MYO9A: variants seen among roughly 807,000 people sequenced by gnomAD.
MYO9A encodes unconventional myosin-IXa.
Under a neutral mutation model 293.3 loss-of-function variants are expected in MYO9A, and 103 were observed. The ratio of observed to expected loss-of-function variants is 0.35; its 90% CI spans 0.30 to 0.41. MYO9A has a LOEUF of 0.41. Ranked by LOEUF, MYO9A falls within the 10% of genes least tolerant of loss-of-function variation. The pLI is 1.00. For synonymous variants in MYO9A, 1,001 were observed against 1,035.7 expected (o/e 0.97, Z 0.64); for missense variants, 2,685 against 3,033.0 (o/e 0.89, Z 2.69).
At chr15:72,081,499 A>ATTGT (rs1596530272) in intron 1 of MYO9A, among the ~76,000 whole-genome samples, 1 of 152,000 alleles carries the variant, frequency 6.6e-6, no homozygotes, top group South Asian at 2.1e-4. Flanking sequence ...CATTCTGTAG[A>ATTGT]CTGTTTACTC....
intron 12 of MYO9A, among the ~76,000 whole-genome samples, chr15:71,976,627 TACAA>T (rs1326323407): frequency 6.6e-6 from 1 of 152,210 alleles, no homozygotes; most frequent in Non-Finnish European, 1.5e-5. Context: ...AGGTAGGGTA[TACAA>T]ACAGTGAATT....
intron 10 of MYO9A, 145 bp from the exon 11 acceptor site, chr15:71,991,382 G>A (rs1204819245): frequency 7.8e-6 from 4 of 514,534 alleles, no homozygotes; most frequent in Non-Finnish European, 1.3e-5. Context: ...AACATATCAT[G>A]ACTTAAAAGT....
chr15:71,874,503 A>G (rs940243803), intron 32 of MYO9A, among the ~76,000 whole-genome samples: 1 of 152,230 alleles, frequency 6.6e-6, no homozygotes, highest in Admixed American at 6.5e-5. Context: ...TAGGCATGGT[A>G]AGAACTTTGG....
intron 18 of MYO9A, 90 bp downstream of exon 18, chr15:71,933,580 C>T: frequency 8.3e-7 from 1 of 1,203,090 alleles, no homozygotes; most frequent in East Asian, 2.4e-5. Flanking sequence ...AAGGTTATTT[C>T]TTGTTTTTTG....
intron 12 of MYO9A, among the ~76,000 whole-genome samples, chr15:71,968,753 A>G (rs1490047813): frequency 2.0e-5 from 3 of 152,192 alleles, no homozygotes; most frequent in Non-Finnish European, 2.9e-5. Flanking sequence ...ATAATGAAAA[A>G]GTTCACACAG....
chr15:71,927,678 G>A (rs1351636816), intron 18 of MYO9A, among the ~76,000 whole-genome samples: 1 of 152,058 alleles, frequency 6.6e-6, no homozygotes. Flanking sequence ...ATGGATGACT[G>A]TATTTATTTT....
rs559439935 is a variant in MYO9A at position 71,853,959 on chromosome 15, C to T, written c.6346+418G>A. ...TTTGGGCAAGATCTTCTGTAAGCCTCAGTTCCTTTTTCTGTAAATGGGGAT... is the reference window on the plus strand; with the variant it reads ...TTTGGGCAAGATCTTCTGTAAGCCTTAGTTCCTTTTTCTGTAAATGGGGAT... On this transcript the variant is annotated intron_variant, in intron 35 of 41. Coordinates refer to ENST00000356056, the MANE Select transcript of MYO9A (RefSeq NM_006901.4). 2.4e-3 allele frequency among the ~76,000 whole-genome samples: 372 copies of T among 152,318 alleles called. 3 individuals are homozygous for T. The highest frequency in any genetic ancestry group is 1.2e-3 in the South Asian group (6 of 4,828).
intron 1 of MYO9A, among the ~76,000 whole-genome samples, chr15:72,084,016 A>T (rs941834193): frequency 9.2e-5 from 14 of 152,256 alleles, no homozygotes; most frequent in African/African-American, 3.1e-4. Context: ...GGTCCATCTG[A>T]TCCAGTGCTG....
At chr15:72,070,846 C>T (rs1030891268) in intron 1 of MYO9A, among the ~76,000 whole-genome samples, 2 of 152,080 alleles carry the variant, frequency 1.3e-5, no homozygotes, top group Admixed American at 1.3e-4. Flanking sequence ...ATACTGGCTA[C>T]CCATATGCAG....
chr15:72,067,006 A>G (rs944465906), intron 1 of MYO9A, among the ~76,000 whole-genome samples: 2 of 149,656 alleles, frequency 1.3e-5, no homozygotes, highest in Admixed American at 1.3e-4. Flanking sequence ...TACTGCAATC[A>G]TTACATTATA....
At chr15:72,015,314 T>C (rs1432837426) in intron 6 of MYO9A, among the ~76,000 whole-genome samples, 3 of 152,202 alleles carry the variant, frequency 2.0e-5, no homozygotes, top group Admixed American at 6.5e-5. Flanking sequence ...GGAATCTTTA[T>C]ACTGCAAAAA....
At chr15:71,905,228 G>A (rs1157035362) in intron 19 of MYO9A, among the ~76,000 whole-genome samples, 1 of 152,122 alleles carries the variant, frequency 6.6e-6, no homozygotes, top group South Asian at 2.1e-4. Context: ...CCTGGAAATA[G>A]TAAATATTGC....
intron 1 of MYO9A, among the ~76,000 whole-genome samples, chr15:72,051,322 G>C (rs1377192125): frequency 6.6e-6 from 1 of 152,224 alleles, no homozygotes; most frequent in African/African-American, 2.4e-5. Context: ...GCAGAAGCCA[G>C]GAACAGGTGG....
In MYO9A at chr15:71,978,273, C is replaced by T. The variant is rs1471686091; in HGVS notation, c.1742G>A (p.Gly581Asp). 6.2e-7 allele frequency: 1 copy of T among 1,605,152 alleles called. No individual in the cohort carries two copies. Among genetic ancestry groups the T allele is most frequent in the Non-Finnish European group, 8.5e-7 (1 of 1,177,272 alleles). ...KLEQEEYRTEGISWHNIDYID... is the reference protein window; with the variant it reads ...KLEQEEYRTEDISWHNIDYID... ...GTAATCTATGTTGTGCCAGCTGATACCTTCAGTTCTATATTCCTCCTAGAA... is the reference window on the plus strand; with the variant it reads ...GTAATCTATGTTGTGCCAGCTGATATCTTCAGTTCTATATTCCTCCTAGAA... Residue 581 changes from glycine to aspartate, a missense_variant, in exon 12 of 42, where the codon GGT becomes GAT. Coordinates refer to ENST00000356056, the MANE Select transcript of MYO9A (RefSeq NM_006901.4).
intron 32 of MYO9A, among the ~76,000 whole-genome samples, chr15:71,865,058 G>A (rs1250598696): frequency 6.6e-6 from 1 of 152,072 alleles, no homozygotes; most frequent in Admixed American, 6.5e-5. Context: ...TGATCATTTG[G>A]AATATACTGA....
intron 17 of MYO9A, 67 bp from the exon 18 acceptor site, chr15:71,933,776 GAAGA>G: frequency 7.4e-7 from 1 of 1,344,516 alleles, no homozygotes; most frequent in Non-Finnish European, 1.0e-6. Context: ...CTACTGTAGA[GAAGA>G]AAGATTTCAA....
intron 18 of MYO9A, among the ~76,000 whole-genome samples, chr15:71,928,027 A>AATATAT: frequency 0.013 from 142 of 10,728 alleles, 16 homozygotes; most frequent in Non-Finnish European, 0.015. Flanking sequence ...ATACCTTTCT[A>AATATAT]ATATATATAT....
chr15:71,961,074 CTTATACA>C (rs2075727303), intron 13 of MYO9A, among the ~76,000 whole-genome samples: 1 of 152,096 alleles, frequency 6.6e-6, no homozygotes, highest in South Asian at 2.1e-4. Flanking sequence ...TAACTGGTGT[CTTATACA>C]TTGGTTGCTG....
intron 18 of MYO9A, among the ~76,000 whole-genome samples, chr15:71,919,028 G>GA (rs959293965): frequency 1.3e-5 from 2 of 152,082 alleles, no homozygotes; most frequent in African/African-American, 4.8e-5. Flanking sequence ...CTTAAATACT[G>GA]AAAAAATAGC....
Sources: allele counts gnomAD v4.1 joint callset (sites outside exome capture counted in the v4.1 genomes callset), GRCh38; gene constraint gnomAD v4.1.1; transcripts MANE v1.5; gene names NCBI Gene and HGNC (gene_info 2026-07-23, HGNC 2026-07-21).